The following PML variants were observed in gnomAD, a reference collection of about 807,000 sequenced individuals.
PML encodes PML nuclear body scaffold, also known as protein PML.
PML carries 28 observed loss-of-function variants against 65.2 expected under a neutral mutation model. The observed-to-expected ratio is 0.43, with a 90% confidence interval of 0.32 to 0.59. PML has a LOEUF of 0.59. Ranked by LOEUF, PML falls within the 20% of genes least tolerant of loss-of-function variation. The pLI, the probability that PML is intolerant of heterozygous loss-of-function variation, is 0.08. For missense variants in PML, 1,021 were observed against 1,203.4 expected, an observed-to-expected ratio of 0.85 and a Z score of 2.24; for synonymous variants, 500 against 508.8, an observed-to-expected ratio of 0.98 and a Z score of 0.23.
rs2071482074 is a variant in PML at position 74,035,038 on chromosome 15, C to T, written c.1710+508C>T. On this transcript the variant is annotated intron_variant, in intron 7 of 8. Transcript: ENST00000268058. The surrounding 1 kb of genome is among the most constrained non-coding windows in gnomAD (Gnocchi z 4.1). ...GCCTCGTGGGTAGTGACCCTTCTGTCCCTAGAGGTTTATTACTAGAGGCTG... is the reference window on the plus strand; with the variant it reads ...GCCTCGTGGGTAGTGACCCTTCTGTTCCTAGAGGTTTATTACTAGAGGCTG... 6.8e-7 allele frequency: 1 copy of T among 1,468,406 alleles called. No individual in the cohort carries two copies. The highest frequency in any genetic ancestry group is 1.7e-5 in the Admixed American group (1 of 57,860). 91.0% of individuals were successfully genotyped at this position (1,468,406 alleles called of 1,614,324 possible).
intron 7 of PML, chr15:74,036,896 C>T: frequency 1.1e-5 from 11 of 978,938 alleles, no homozygotes; most frequent in Non-Finnish European, 1.3e-5. Flanking sequence ...TCCTCTCAGA[C>T]TCTGACCGCA....
chr15:74,017,181 A>G (rs900348262), intron 2 of PML, among the ~76,000 whole-genome samples: 2 of 152,146 alleles, frequency 1.3e-5, no homozygotes, highest in Non-Finnish European at 2.9e-5. Flanking sequence ...TAAATAGTCC[A>G]CTGTGTTTTC....
At chr15:74,024,014 G>A (rs1253853463) in intron 3 of PML, among the ~76,000 whole-genome samples, 1 of 152,176 alleles carries the variant, frequency 6.6e-6, no homozygotes, top group Non-Finnish European at 1.5e-5. Context: ...TCACGTAGCT[G>A]GAGAATGAGA....
chr15:74,020,177 A>G (rs541011425), intron 2 of PML, among the ~76,000 whole-genome samples: 12 of 152,024 alleles, frequency 7.9e-5, no homozygotes, highest in African/African-American at 2.6e-4. Context: ...AGCACTATGT[A>G]TCAGTCTGGC....
Position 74,044,365 on chromosome 15 carries a change from T to C in PML, c.2006T>C (p.Met669Thr), listed in dbSNP as rs1412523768. 9 of 1,614,220 alleles carry C rather than the reference T, an allele frequency of 5.6e-6. No homozygotes were observed. The highest frequency in any genetic ancestry group is 3.3e-4 in the Middle Eastern group (2 of 6,062). Residue 669 changes from methionine (M) to threonine (T), a missense_variant, in exon 9 of 9, where the codon ATG (methionine) becomes ACG (threonine). Met to Thr is a moderately conservative substitution (Grantham distance 81). Coordinates refer to ENST00000268058, the MANE Select transcript of PML (RefSeq NM_033238.3). ...CACTTCCTCAGCTTTCTGAGCTCCATGCGCCGCCCTATCTTGGCCTGCTAC... is the reference window on the plus strand; with the variant it reads ...CACTTCCTCAGCTTTCTGAGCTCCACGCGCCGCCCTATCTTGGCCTGCTAC... ...LQHFLSFLSS[M>T]RRPILACYKL...
In PML at chr15:74,037,407, C is replaced by T; in HGVS notation, c.1710+2877C>T. ...CCCCAGCCCTTGACCCCCTGGGAGCCTCACTCCTCCTCCTCATCTCTCTTG... is the reference window on the plus strand; with the variant it reads ...CCCCAGCCCTTGACCCCCTGGGAGCTTCACTCCTCCTCCTCATCTCTCTTG... On this transcript the variant is annotated intron_variant, in intron 7 of 8. Transcript: ENST00000268058. This position sits in a 1 kb window ranked among gnomAD's most constrained non-coding sequence, Gnocchi z 4.2. 4.1e-6 allele frequency: 4 copies of T among 985,364 alleles called. No individual in the cohort carries two copies. The highest frequency in any genetic ancestry group is 4.8e-6 in the Non-Finnish European group (4 of 829,874). The allele number at this position is 985,364 out of a possible 1,614,324, so 61.0% of individuals were successfully genotyped here.
chr15:74,024,338 C>T (rs1217308716), intron 3 of PML, among the ~76,000 whole-genome samples: 1 of 152,124 alleles, frequency 6.6e-6, no homozygotes, highest in East Asian at 1.9e-4. Flanking sequence ...GCCTTCTCCA[C>T]CTAGGTAGTG....
intron 2 of PML, among the ~76,000 whole-genome samples, chr15:74,008,755 AG>A (rs1281724902): frequency 6.6e-6 from 1 of 150,946 alleles, no homozygotes; most frequent in African/African-American, 2.4e-5. Flanking sequence ...AAAAAAAAAA[AG>A]GAAAACCCAT....
chr15:74,021,595 AT>A (rs1429602729), intron 2 of PML, among the ~76,000 whole-genome samples: 1 of 152,084 alleles, frequency 6.6e-6, no homozygotes, highest in African/African-American at 2.4e-5. Context: ...CAAAAAAAAA[AT>A]AACCAAATAA....
At chr15:74,029,260 GA>G (rs1025211233) in intron 4 of PML, among the ~76,000 whole-genome samples, 1 of 151,114 alleles carries the variant, frequency 6.6e-6, no homozygotes, top group African/African-American at 2.4e-5. Flanking sequence ...ATCCTCTATT[GA>G]AAAAAAATAT....
chr15:73,998,024 G>A lies in PML; in HGVS notation c.150G>A (p.Glu50=), dbSNP rs2069587136. The part of the protein sequence containing the change: ...SPTERAPASE[E]EFQFLRCQQC... ...CCCAGCGAGCCCCCGCTTCGGAGGA[G>A]GAGTTCCAGTTTCTGCGCTGCCAGC... The change falls in exon 2 of 9, where the codon GAG becomes GAA. Residue 50 remains glutamate (E), a synonymous_variant. Transcript: ENST00000268058. 13 of 1,612,444 alleles carry A rather than the reference G, an allele frequency of 8.1e-6. No individual in the cohort carries two copies. Among genetic ancestry groups the A allele is most frequent in the Non-Finnish European group, 1.1e-5 (13 of 1,179,874 alleles).
In PML at chr15:74,031,289, G is replaced by A. The variant is rs923644255; in HGVS notation, c.1255-1283G>A. 22 of 442,120 alleles carry A rather than the reference G, an allele frequency of 5.0e-5. 1 individual carries two copies. The Admixed American group carries it at 5.0e-4, about 10-fold the overall frequency. The allele number at this position is 442,120 out of a possible 1,614,324, so 27.4% of individuals were successfully genotyped here. ...AAAAAAATTTATTATTATTATTAGT[G>A]TTTGAGACAGAGTCTCACTCTGTGC... is the stretch of plus-strand genomic sequence containing the variant. On this transcript the variant is annotated intron_variant, in intron 4 of 8. Coordinates refer to ENST00000268058, the MANE Select transcript of PML (RefSeq NM_033238.3).
chr15:74,002,790 G>C (rs937117506), intron 2 of PML, among the ~76,000 whole-genome samples: 1 of 151,944 alleles, frequency 6.6e-6, no homozygotes, highest in African/African-American at 2.4e-5. Flanking sequence ...TGTTTCACCA[G>C]TTCTCTAAAT....
At chr15:74,010,990 T>A (rs1371239575) in intron 2 of PML, among the ~76,000 whole-genome samples, 1 of 152,330 alleles carries the variant, frequency 6.6e-6, no homozygotes, top group South Asian at 2.1e-4. Flanking sequence ...AAAGCTGGAT[T>A]GATGGCTGAT....
At chr15:73,997,296 T>A (rs2069555693) in intron 1 of PML, among the ~76,000 whole-genome samples, 1 of 152,190 alleles carries the variant, frequency 6.6e-6, no homozygotes, top group Non-Finnish European at 1.5e-5. Flanking sequence ...CGGCCTTAGG[T>A]TCCCTGCCTC....
At chr15:73,998,806 C>T (rs1237754835) in intron 2 of PML, among the ~76,000 whole-genome samples, 1 of 152,140 alleles carries the variant, frequency 6.6e-6, no homozygotes, top group Non-Finnish European at 1.5e-5. Context: ...ACATTTGATA[C>T]ATGTTACCAA....
In PML at chr15:74,007,262, G is replaced by A. The variant is rs576339297; in HGVS notation, c.602+8786G>A. On this transcript the variant is annotated intron_variant, in intron 2 of 8. Transcript: ENST00000268058. ...AAGCTCTTAGAAGGCTCCTTTCTGC[G>A]TCTGTTGGTTTTCATTTGCCTGCAG... 1.1e-4 allele frequency among the ~76,000 whole-genome samples: 16 copies of A among 152,262 alleles called. No individual in the cohort carries two copies. In the South Asian group the frequency reaches 1.5e-3, roughly 14 times the overall value.
intron 1 of PML, 31 bp from the exon 2 acceptor site, chr15:73,997,973 C>A (rs2069584819): frequency 6.3e-7 from 1 of 1,598,304 alleles, no homozygotes; most frequent in Admixed American, 1.7e-5. Context: ...TGGGACTTCT[C>A]CAGGCCTCAC....
intron 4 of PML, 25 bp from the exon 5 acceptor site, chr15:74,032,547 T>G: frequency 6.2e-7 from 1 of 1,613,920 alleles, no homozygotes; most frequent in East Asian, 2.2e-5. Flanking sequence ...TAGTCATTTC[T>G]GACTCAATTT....
Sources: gnomAD v4.1 joint callset for allele counts (sites outside exome capture counted in the v4.1 genomes callset) on GRCh38, gnomAD v4.1.1 for gene constraint, Gnocchi (gnomAD v3.1) non-coding constraint, MANE v1.5 for transcripts, NCBI Gene and HGNC (gene_info 2026-07-23, HGNC 2026-07-21) for gene names.